Variants in MAP4 observed in about 807,000 individuals in gnomAD.
MAP4 encodes the protein microtubule associated protein 4.
Under a neutral mutation model 170.2 loss-of-function variants are expected in MAP4, and 76 were observed. The ratio of observed to expected loss-of-function variants is 0.45; its 90% CI spans 0.37 to 0.54. MAP4 has a LOEUF of 0.54. Among genes scored for constraint, MAP4 ranks in the 20% least tolerant of loss-of-function variants. The probability of loss-of-function intolerance (pLI) is 0.00; values close to 1 mark genes in which losing one functional copy is unlikely to be tolerated. For synonymous variants in MAP4, 909 were observed against 994.5 expected (o/e 0.91, Z 1.62); for missense variants, 2,506 against 2,748.0 (o/e 0.91, Z 1.97).
chr3:47,952,148 GC>G (rs1559577322), intron 3 of MAP4, among the ~76,000 whole-genome samples: 1 of 149,704 alleles, frequency 6.7e-6, no homozygotes, highest in African/African-American at 2.5e-5. Context: ...GAGCCCCTCC[GC>G]CCGGCAGCCA....
intron 10 of MAP4, among the ~76,000 whole-genome samples, chr3:47,886,664 G>C (rs1299964465): frequency 6.6e-6 from 1 of 152,200 alleles, no homozygotes; most frequent in Admixed American, 6.5e-5. Context: ...AGCAATGTCT[G>C]ATGTGGAACT....
chr3:47,938,062 A>C lies in MAP4; in HGVS notation c.293-9712T>G, dbSNP rs1002317744. ...CACCAGCAGACATATTTGAGTTCTT[A>C]CTTTTATTTTATTGAGACAAGATCT... On this transcript the variant is annotated intron_variant, in intron 3 of 20. Transcript: ENST00000683076. Among the ~76,000 whole-genome samples, 9 of 151,870 alleles carry C rather than the reference A, an allele frequency of 5.9e-5. No homozygotes were observed. The East Asian group carries it at 1.7e-3, about 29-fold the overall frequency.
intron 3 of MAP4, chr3:47,975,494 A>G: frequency 4.1e-6 from 6 of 1,472,516 alleles, no homozygotes; most frequent in Non-Finnish European, 5.6e-6. Flanking sequence ...AGAGGGAGGA[A>G]GAAGTAGGAA....
intron 1 of MAP4, among the ~76,000 whole-genome samples, chr3:48,061,097 G>A (rs559086474): frequency 4.6e-5 from 7 of 152,036 alleles, no homozygotes; most frequent in African/African-American, 1.2e-4. Flanking sequence ...CACCCACCTC[G>A]GCCTTCCAAA....
intron 1 of MAP4, among the ~76,000 whole-genome samples, chr3:48,002,975 A>T (rs1010086091): frequency 1.1e-4 from 17 of 150,348 alleles, no homozygotes; most frequent in African/African-American, 3.9e-4. Context: ...ATAAATAAAT[A>T]AATAAATAAA....
chr3:48,040,906 A>G (rs2100121316), intron 1 of MAP4, among the ~76,000 whole-genome samples: 1 of 151,736 alleles, frequency 6.6e-6, no homozygotes, highest in African/African-American at 2.4e-5. Flanking sequence ...TGCCGTTGTT[A>G]GCCAGGCTGG....
intron 4 of MAP4, among the ~76,000 whole-genome samples, chr3:47,923,672 C>G (rs2100044234): frequency 6.7e-6 from 1 of 149,788 alleles, no homozygotes; most frequent in Non-Finnish European, 1.5e-5. Context: ...AAAAATTAGC[C>G]AGGCATGGTA....
intron 3 of MAP4, among the ~76,000 whole-genome samples, chr3:47,935,585 C>A (rs1306315455): frequency 6.6e-6 from 1 of 151,984 alleles, no homozygotes; most frequent in East Asian, 1.9e-4. Flanking sequence ...CAAGCAGGCC[C>A]AAAGCCCTTT....
chr3:47,979,948 C>T (rs558302627), intron 2 of MAP4, among the ~76,000 whole-genome samples: 8 of 152,136 alleles, frequency 5.3e-5, no homozygotes, highest in African/African-American at 1.9e-4. Context: ...CCTCAGCCTC[C>T]CAAGTAGCTG....
intron 2 of MAP4, among the ~76,000 whole-genome samples, chr3:47,996,311 A>G (rs1579011323): frequency 6.6e-6 from 1 of 152,198 alleles, no homozygotes; most frequent in East Asian, 1.9e-4. Context: ...AGACGCTACT[A>G]CTGTGAAAAG....
chr3:48,056,940 G>C (rs1366153444), intron 1 of MAP4, among the ~76,000 whole-genome samples: 1 of 132,140 alleles, frequency 7.6e-6, no homozygotes, highest in African/African-American at 2.9e-5. Flanking sequence ...GAGGTGGGGG[G>C]TTCAGCCCCC....
intron 1 of MAP4, among the ~76,000 whole-genome samples, chr3:48,005,370 A>C (rs2100101705): frequency 6.6e-6 from 1 of 152,128 alleles, no homozygotes; most frequent in African/African-American, 2.4e-5. Context: ...AGAAAAAAAA[A>C]AGAACTGTTC....
At chr3:47,998,543 ACTC>A in intron 2 of MAP4, 92 bp downstream of exon 2, 5 of 966,474 alleles carry the variant, frequency 5.2e-6, no homozygotes, top group Non-Finnish European at 8.0e-6. Context: ...CACTAAAAAA[ACTC>A]AGCTCAATTC....
At chr3:47,972,835 G>A (rs1272975852) in intron 3 of MAP4, among the ~76,000 whole-genome samples, 3 of 151,184 alleles carry the variant, frequency 2.0e-5, no homozygotes, top group South Asian at 4.2e-4. Context: ...GCAATGAGCC[G>A]AGATCATGCC....
intron 1 of MAP4, among the ~76,000 whole-genome samples, chr3:48,072,771 C>T (rs1024979381): frequency 1.3e-5 from 2 of 152,182 alleles, no homozygotes; most frequent in African/African-American, 4.8e-5. Context: ...CACTTCCCTT[C>T]TGTGCCATTT....
At chr3:47,930,416 C>T (rs1412269938) in intron 3 of MAP4, among the ~76,000 whole-genome samples, 1 of 147,180 alleles carries the variant, frequency 6.8e-6, no homozygotes, top group East Asian at 2.0e-4. Context: ...CTGCAGTCCG[C>T]AGTCCGGCCT....
chr3:48,062,557 G>T (rs541643708), intron 1 of MAP4, among the ~76,000 whole-genome samples: 1 of 143,186 alleles, frequency 7.0e-6, no homozygotes, highest in Non-Finnish European at 1.5e-5. Flanking sequence ...ATTGTTATCT[G>T]TCAATTAAAA....
intron 3 of MAP4, among the ~76,000 whole-genome samples, chr3:47,970,976 A>G (rs1364136369): frequency 6.6e-6 from 1 of 152,234 alleles, no homozygotes. Flanking sequence ...ATTGTAGTCC[A>G]TGAGCTGGTT....
At chr3:47,897,614 G>A (rs1163664556) in intron 10 of MAP4, among the ~76,000 whole-genome samples, 1 of 152,098 alleles carries the variant, frequency 6.6e-6, no homozygotes, top group Non-Finnish European at 1.5e-5. Flanking sequence ...CAATGCACTT[G>A]GTTTCGGTGT....
Sources: gnomAD v4.1 joint callset for allele counts (sites outside exome capture counted in the v4.1 genomes callset) on GRCh38, gnomAD v4.1.1 for gene constraint, MANE v1.5 for transcripts, NCBI Gene and HGNC (gene_info 2026-07-23, HGNC 2026-07-21) for gene names.